EARS2: variants seen among roughly 807,000 people sequenced by gnomAD.
The protein encoded by EARS2 is glutamyl-tRNA synthetase 2, mitochondrial, also known as nondiscriminating glutamyl-tRNA synthetase EARS2, mitochondrial.
A neutral mutation model predicts 54.1 loss-of-function variants in EARS2; 50 were observed. The ratio of observed to expected loss-of-function variants is 0.92; its 90% CI spans 0.74 to 1.17. The LOEUF (loss-of-function observed/expected upper bound fraction) is 1.17. Ranked by LOEUF, EARS2 falls within the 50% of genes most tolerant of loss-of-function variation. EARS2 has a pLI of 0.00. For synonymous variants in EARS2, 298 were observed against 281.0 expected, an observed-to-expected ratio of 1.06 and a Z score of -0.61; for missense variants, 673 against 675.0, an observed-to-expected ratio of 1.00 and a Z score of 0.03.
In EARS2 at chr16:23,552,073, A is replaced by G. The variant is rs768703848; in HGVS notation, c.295+76T>C. 9 of 1,550,088 alleles carry G rather than the reference A, an allele frequency of 5.8e-6. No homozygotes were observed. In the South Asian group the frequency reaches 7.0e-5, roughly 12 times the overall value. On this transcript the variant is annotated intron_variant, in intron 2 of 8. Coordinates refer to ENST00000449606, the MANE Select transcript of EARS2 (RefSeq NM_001083614.2). ...CTCCCCATTTTCCACTCAGAACTCCATGAGAAGACCCACAGGCTCCTTTTC... is the reference window on the plus strand; with the variant it reads ...CTCCCCATTTTCCACTCAGAACTCCGTGAGAAGACCCACAGGCTCCTTTTC...
intron 1 of EARS2, chr16:23,553,063 G>T (rs1052932028): frequency 2.5e-6 from 1 of 402,974 alleles, no homozygotes. Flanking sequence ...GGGACGCTGA[G>T]GCTGCAGCGA....
In EARS2 at chr16:23,535,403, T is replaced by A. The variant is rs775036221; in HGVS notation, c.486-43A>T. 5.8e-6 allele frequency: 9 copies of A among 1,559,570 alleles called. No individual in the cohort carries two copies. The African/African-American group carries it at 9.4e-5, about 16-fold the overall frequency. On this transcript the variant is annotated intron_variant, in intron 3 of 8. Coordinates refer to ENST00000449606, the MANE Select transcript of EARS2 (RefSeq NM_001083614.2). ...AGCATGAGTACTGTTGATGGAAAGG[T>A]TGATGGACAGGAGTCCTACCTCTGT... is the stretch of plus-strand genomic sequence containing the variant.
intron 2 of EARS2, among the ~76,000 whole-genome samples, chr16:23,549,282 C>A (rs934144020): frequency 6.6e-6 from 1 of 152,152 alleles, no homozygotes; most frequent in East Asian, 1.9e-4. Flanking sequence ...TTTTGGGTGC[C>A]ACCATGTTCC....
chr16:23,547,372 A>T lies in EARS2; in HGVS notation c.296-2669T>A, dbSNP rs1292225223. Among the ~76,000 whole-genome samples, 3 of 152,176 alleles carry T rather than the reference A, an allele frequency of 2.0e-5. No homozygotes were observed. The East Asian group carries it at 5.8e-4, about 29-fold the overall frequency. On this transcript the variant is annotated intron_variant, in intron 2 of 8. Coordinates refer to ENST00000449606, the MANE Select transcript of EARS2 (RefSeq NM_001083614.2). ...GGTAGAATGGAAAACAACTGCTAAT[A>T]AGGAAGAGTTTCTTTTAGGGGTGAT...
chr16:23,539,233 A>G (rs1388977754), intron 3 of EARS2, among the ~76,000 whole-genome samples: 2 of 152,112 alleles, frequency 1.3e-5, no homozygotes, highest in Admixed American at 1.3e-4. Context: ...AGTACTGTTT[A>G]AGGCCCAAAG....
At position 23,532,688 on chromosome 16, in the gene EARS2, G is replaced by C. The variant is rs774168448; in HGVS notation, c.1036C>G (p.Leu346Val). 1 of 1,614,052 alleles carries C rather than the reference G, an allele frequency of 6.2e-7. No homozygotes were observed. Among genetic ancestry groups the C allele is most frequent in the South Asian group, 1.1e-5 (1 of 91,044 alleles). Residue 346 changes from leucine to valine, a missense_variant, in exon 5 of 9, where the codon CTG becomes GTG. Around this residue, in one of 3 missense-constraint regions of EARS2, gnomAD observed 338 missense variants for 361.2 expected, o/e 0.94. Coordinates refer to ENST00000449606, the MANE Select transcript of EARS2 (RefSeq NM_001083614.2). ...AATTCTGGGAGCTTCTCCAGGTCCA[G>C]CAGGGCTGAGTGACAGGTGACCTGT... ...LTQVTCHSALLDLEKLPEFNR... is the reference protein window; with the variant it reads ...LTQVTCHSALVDLEKLPEFNR...
rs1348997881 is a variant in EARS2, at chr16:23,523,428, G to C, written c.*943C>G. 4 of 152,230 alleles carry C rather than the reference G, an allele frequency of 2.6e-5. No homozygotes were observed. The highest frequency in any genetic ancestry group is 5.9e-5 in the Non-Finnish European group (4 of 68,052). 9.4% of individuals were successfully genotyped at this position (152,230 alleles called of 1,614,324 possible). Reference sequence around the variant, plus strand: ...ACCAGGTCTGGAAGACTGGAAAAACGGAACAGATGACGTTTAGGGAAGGGA... The same window carrying C: ...ACCAGGTCTGGAAGACTGGAAAAACCGAACAGATGACGTTTAGGGAAGGGA... On this transcript the variant is annotated 3_prime_UTR_variant, in exon 9 of 9. Coordinates refer to ENST00000449606, the MANE Select transcript of EARS2 (RefSeq NM_001083614.2).
chr16:23,537,142 A>G (rs935034646), intron 3 of EARS2: 9 of 229,990 alleles, frequency 3.9e-5, no homozygotes, highest in Non-Finnish European at 9.6e-6. Context: ...TTAAAGAAGA[A>G]AAAGTAAGTT....
chr16:23,548,622 G>A (rs1965644587), intron 2 of EARS2, among the ~76,000 whole-genome samples: 1 of 151,830 alleles, frequency 6.6e-6, no homozygotes, highest in African/African-American at 2.4e-5. Context: ...TCACACTGTC[G>A]CTCCAGGCTG....
chr16:23,543,757 G>C (rs1965555792), intron 3 of EARS2, among the ~76,000 whole-genome samples: 1 of 147,712 alleles, frequency 6.8e-6, no homozygotes, highest in South Asian at 2.1e-4. Flanking sequence ...AGCCACAACT[G>C]ATCTGACATT....
At position 23,524,332 on chromosome 16, in the gene EARS2, G is replaced by C. The variant is rs1317649265; in HGVS notation, c.*39C>G. The C allele has an allele frequency of 1.9e-6, 3 of 1,577,312 alleles. No individual in the cohort carries two copies. The highest frequency in any genetic ancestry group is 2.6e-6 in the Non-Finnish European group (3 of 1,146,602). On this transcript the variant is annotated 3_prime_UTR_variant, in exon 9 of 9. Coordinates refer to ENST00000449606, the MANE Select transcript of EARS2 (RefSeq NM_001083614.2). ...CTGAAAGCTGTTTCTAAGCTCACAG[G>C]TTCTTAGGGCGATCTCCACTGCCCG...
intron 3 of EARS2, chr16:23,536,919 G>C (rs1216401905): frequency 6.6e-6 from 1 of 152,296 alleles, no homozygotes. Context: ...CTGATCTCGT[G>C]ATCTACCCGC....
chr16:23,545,879 G>A (rs1038620656), intron 2 of EARS2, among the ~76,000 whole-genome samples: 1 of 152,132 alleles, frequency 6.6e-6, no homozygotes, highest in Non-Finnish European at 1.5e-5. Flanking sequence ...CTAGGGTGCA[G>A]TAGTGCAATC....
At chr16:23,546,301 T>G (rs1268841217) in intron 2 of EARS2, 5 of 430,790 alleles carry the variant, frequency 1.2e-5, no homozygotes, top group African/African-American at 1.0e-4. Flanking sequence ...TCAAAGGAAT[T>G]GGGAAGATAA....
At position 23,523,387 on chromosome 16, in the gene EARS2, G is replaced by GGTCTCCA. The variant is rs1429542220; in HGVS notation, c.*977_*983dup. 6.6e-6 allele frequency: 1 copy of GGTCTCCA among 152,234 alleles called. No individual in the cohort carries two copies. The highest frequency in any genetic ancestry group is 1.5e-5 in the Non-Finnish European group (1 of 68,056). The allele number at this position is 152,234 out of a possible 1,614,324, so 9.4% of individuals were successfully genotyped here. On this transcript the variant is annotated 3_prime_UTR_variant, in exon 9 of 9. Transcript: ENST00000449606. ...AAAGCCACAAAATAGGAAGGGTGAA[G>GGTCTCCA]GTCTCCAGTCCAAGGACCAGGTCTG... is the stretch of plus-strand genomic sequence containing the variant.
At chr16:23,526,501 A>G (rs1390303036) in intron 7 of EARS2, among the ~76,000 whole-genome samples, 1 of 152,250 alleles carries the variant, frequency 6.6e-6, no homozygotes, top group African/African-American at 2.4e-5. Context: ...GACATTACAA[A>G]AGGATCTAAA....
intron 2 of EARS2, among the ~76,000 whole-genome samples, chr16:23,546,694 T>C (rs1411255864): frequency 2.6e-5 from 4 of 152,236 alleles, no homozygotes; most frequent in South Asian, 2.1e-4. Context: ...TAGCTGAGAC[T>C]ACAGGTACAT....
intron 1 of EARS2, among the ~76,000 whole-genome samples, chr16:23,555,965 T>C (rs1341634762): frequency 1.3e-5 from 2 of 152,278 alleles, no homozygotes; most frequent in African/African-American, 2.4e-5. Context: ...GGTTTGTATT[T>C]TGGATGTTTT....
chr16:23,554,105 G>T (rs1186623015), intron 1 of EARS2, among the ~76,000 whole-genome samples: 1 of 151,972 alleles, frequency 6.6e-6, no homozygotes, highest in Non-Finnish European at 1.5e-5. Context: ...AACCACCCAG[G>T]CTCAATCAAT....
Sources: gnomAD v4.1 joint callset for allele counts (sites outside exome capture counted in the v4.1 genomes callset) on GRCh38, gnomAD v4.1.1 for gene constraint, gnomAD v4.1.1 regional missense constraint, MANE v1.5 for transcripts, NCBI Gene and HGNC (gene_info 2026-07-23, HGNC 2026-07-21) for gene names.